Variants in BRINP3 observed in about 807,000 individuals in gnomAD.
BRINP3 encodes the protein BMP/retinoic acid-inducible neural-specific protein 3.
A neutral mutation model predicts 71.0 loss-of-function variants in BRINP3; 19 were observed. That is an observed-to-expected ratio of 0.27 (90% CI 0.19 to 0.39). BRINP3 has a LOEUF of 0.39. BRINP3 is among the 10% of genes least tolerant of loss of function. BRINP3 has a pLI of 1.00. For synonymous variants in BRINP3, 380 were observed against 337.7 expected (o/e 1.13, Z -1.37); for missense variants, 959 against 940.8 (o/e 1.02, Z -0.25).
At chr1:190,195,127 T>TA (rs1654365119) in intron 6 of BRINP3, among the ~76,000 whole-genome samples, 1 of 152,106 alleles carries the variant, frequency 6.6e-6, no homozygotes, top group South Asian at 2.1e-4. Context: ...AGATGTATTT[T>TA]ATATATGCAA....
chr1:190,281,637 C>G lies in BRINP3; in HGVS notation c.350G>C (p.Arg117Pro), dbSNP rs868789521. Residue 117 changes from arginine to proline, a missense_variant, in exon 3 of 8, where the codon CGA becomes CCA. Transcript: ENST00000367462. ...TTCTGTGATTTGCTGAAGGGTAGGT[C>G]GACGTCCCAAAAGTCTTATGTTGCG... ...FFRNIRLLGRRPTLQQITENL... is the reference protein window; with the variant it reads ...FFRNIRLLGRPPTLQQITENL... 1 of 1,612,728 alleles carries G rather than the reference C, an allele frequency of 6.2e-7. No homozygotes were observed. The highest frequency in any genetic ancestry group is 8.5e-7 in the Non-Finnish European group (1 of 1,179,324).
At chr1:190,219,338 A>G (rs1656675565) in intron 6 of BRINP3, among the ~76,000 whole-genome samples, 1 of 152,062 alleles carries the variant, frequency 6.6e-6, no homozygotes, top group Non-Finnish European at 1.5e-5. Context: ...TTTTCAGGAA[A>G]CTCAGTGATC....
intron 2 of BRINP3, among the ~76,000 whole-genome samples, chr1:190,398,861 A>T (rs1203352168): frequency 9.2e-5 from 14 of 151,986 alleles, no homozygotes; most frequent in Admixed American, 9.2e-4. Context: ...CTTTTTACTT[A>T]GTTAAAAATT....
intron 2 of BRINP3, among the ~76,000 whole-genome samples, chr1:190,400,965 T>C (rs571628268): frequency 6.6e-6 from 1 of 152,276 alleles, no homozygotes; most frequent in South Asian, 2.1e-4. Context: ...AGGAAGAGGA[T>C]TTTTCTCTCT....
intron 7 of BRINP3, among the ~76,000 whole-genome samples, chr1:190,159,522 G>C (rs1657160841): frequency 6.6e-6 from 1 of 152,082 alleles, no homozygotes; most frequent in Admixed American, 6.6e-5. Flanking sequence ...TACTACTGAT[G>C]CTACAACATA....
chr1:190,262,957 G>A (rs1049545612), intron 4 of BRINP3, among the ~76,000 whole-genome samples: 12 of 152,122 alleles, frequency 7.9e-5, no homozygotes, highest in African/African-American at 2.9e-4. Flanking sequence ...TCTCCTGTGG[G>A]AGAAGAGAAG....
At chr1:190,124,330 G>C (rs978763363) in intron 7 of BRINP3, among the ~76,000 whole-genome samples, 8 of 152,106 alleles carry the variant, frequency 5.3e-5, no homozygotes, top group Non-Finnish European at 8.8e-5. Context: ...CTTGATATTG[G>C]ACTTTATGGC....
chr1:190,169,327 G>C (rs1651816281), intron 6 of BRINP3, among the ~76,000 whole-genome samples: 1 of 152,138 alleles, frequency 6.6e-6, no homozygotes, highest in South Asian at 2.1e-4. Flanking sequence ...TGACATTACT[G>C]ATAATGATGA....
At chr1:190,402,157 T>C (rs1477927575) in intron 2 of BRINP3, among the ~76,000 whole-genome samples, 1 of 152,096 alleles carries the variant, frequency 6.6e-6, no homozygotes, top group Non-Finnish European at 1.5e-5. Flanking sequence ...AGATCACTGA[T>C]GTCGTAGATG....
At chr1:190,182,955 T>C (rs893333214) in intron 6 of BRINP3, among the ~76,000 whole-genome samples, 1 of 152,110 alleles carries the variant, frequency 6.6e-6, no homozygotes, top group South Asian at 2.1e-4. Context: ...TAACCTTCAG[T>C]GATGTCTGTG....
chr1:190,304,297 G>C (rs1408468205), intron 2 of BRINP3, among the ~76,000 whole-genome samples: 1 of 151,682 alleles, frequency 6.6e-6, no homozygotes, highest in Non-Finnish European at 1.5e-5. Flanking sequence ...TAGGTAGCTA[G>C]TATGTGATTC....
chr1:190,196,136 C>A (rs1243213968), intron 6 of BRINP3, among the ~76,000 whole-genome samples: 1 of 152,086 alleles, frequency 6.6e-6, no homozygotes, highest in East Asian at 1.9e-4. Context: ...GCAGACATTG[C>A]CATCAATCAC....
intron 1 of BRINP3, among the ~76,000 whole-genome samples, chr1:190,476,845 T>G (rs1042289905): frequency 2.0e-4 from 30 of 152,188 alleles, no homozygotes; most frequent in African/African-American, 7.0e-4. Flanking sequence ...TATGTGTGAT[T>G]TGAAATATTT....
At chr1:190,276,402 CAT>C (rs1244774871) in intron 3 of BRINP3, among the ~76,000 whole-genome samples, 2 of 151,594 alleles carry the variant, frequency 1.3e-5, no homozygotes, top group Admixed American at 1.3e-4. Context: ...ACATAATTCA[CAT>C]AGTGAAAAGT....
chr1:190,402,715 T>C (rs916447037), intron 2 of BRINP3, among the ~76,000 whole-genome samples: 1 of 152,194 alleles, frequency 6.6e-6, no homozygotes, highest in Non-Finnish European at 1.5e-5. Context: ...TTTATTTATT[T>C]GTTCTTCATT....
chr1:190,317,513 A>G (rs1490194612), intron 2 of BRINP3, among the ~76,000 whole-genome samples: 1 of 152,044 alleles, frequency 6.6e-6, no homozygotes, highest in African/African-American at 2.4e-5. Flanking sequence ...ATGTCATTTT[A>G]TGTTGCACAT....
In BRINP3 at chr1:190,323,499, A is replaced by C. The variant is rs576915114; in HGVS notation, c.237-41749T>G. 2.6e-5 allele frequency among the ~76,000 whole-genome samples: 4 copies of C among 151,926 alleles called. No individual in the cohort carries two copies. The East Asian group carries it at 5.8e-4, about 22-fold the overall frequency. On this transcript the variant is annotated intron_variant, in intron 2 of 7. Transcript: ENST00000367462. The stretch of plus-strand genomic sequence containing the variant: ...ATTCTTCTCTTGAGGAATGAAGTGC[A>C]TTGTACCTGTTTAATTTTTTCATCT...
At chr1:190,307,262 T>C (rs1186669124) in intron 2 of BRINP3, among the ~76,000 whole-genome samples, 2 of 74,912 alleles carry the variant, frequency 2.7e-5, no homozygotes, top group African/African-American at 4.0e-5. Context: ...AACATTGTTT[T>C]TTTTTTTTTT....
chr1:190,239,758 A>T (rs1012169618), intron 4 of BRINP3, among the ~76,000 whole-genome samples: 1 of 151,996 alleles, frequency 6.6e-6, no homozygotes, highest in Non-Finnish European at 1.5e-5. Flanking sequence ...ACATCTATCT[A>T]CTTACCTGTT....
Sources: allele counts gnomAD v4.1 joint callset (sites outside exome capture counted in the v4.1 genomes callset), GRCh38; gene constraint gnomAD v4.1.1; transcripts MANE v1.5; gene names NCBI Gene and HGNC (gene_info 2026-07-23, HGNC 2026-07-21).